The following CDH12 variants were observed in gnomAD, a reference collection of about 807,000 sequenced individuals.
CDH12 encodes the protein cadherin-12.
A neutral mutation model predicts 74.1 loss-of-function variants in CDH12; 41 were observed. The ratio of observed to expected loss-of-function variants is 0.55; its 90% confidence interval spans 0.43 to 0.72. CDH12 has a LOEUF of 0.72. Among genes scored for constraint, CDH12 ranks in the 30% least tolerant of loss-of-function variants. The probability of loss-of-function intolerance (pLI) is 0.00; values close to 1 mark genes in which losing one functional copy is unlikely to be tolerated. For missense variants in CDH12, 945 were observed against 977.2 expected (o/e 0.97, Z 0.44); for synonymous variants, 399 against 355.0 (o/e 1.12, Z -1.39).
At chr5:22,755,580 AAT>A (rs1419142643) in intron 1 of CDH12, among the ~76,000 whole-genome samples, 3 of 152,158 alleles carry the variant, frequency 2.0e-5, no homozygotes, top group Non-Finnish European at 4.4e-5. Flanking sequence ...AAATAAAGCC[AAT>A]ATGTAAGAAT....
intron 4 of CDH12, among the ~76,000 whole-genome samples, chr5:22,089,466 A>G (rs905945587): frequency 3.3e-5 from 5 of 152,300 alleles, no homozygotes; most frequent in African/African-American, 1.2e-4. Flanking sequence ...AAATGTAACA[A>G]TGCATAAAGA....
chr5:22,671,613 G>T, intron 1 of CDH12, among the ~76,000 whole-genome samples: 1 of 152,072 alleles, frequency 6.6e-6, no homozygotes, highest in African/African-American at 2.4e-5. Flanking sequence ...GGAACAAGTG[G>T]TTCCAGCAAT....
At chr5:22,374,657 T>C (rs1268776904) in intron 3 of CDH12, among the ~76,000 whole-genome samples, 1 of 152,036 alleles carries the variant, frequency 6.6e-6, no homozygotes, top group East Asian at 1.9e-4. Flanking sequence ...ATTTCTATAC[T>C]TCAATAATGA....
At chr5:22,840,847 T>C (rs1398268561) in intron 1 of CDH12, among the ~76,000 whole-genome samples, 20 of 152,178 alleles carry the variant, frequency 1.3e-4, no homozygotes, top group Admixed American at 1.3e-3. Flanking sequence ...TGAAGGTAAC[T>C]AGCCAAGTAG....
At chr5:22,283,008 G>C (rs1197083550) in intron 3 of CDH12, among the ~76,000 whole-genome samples, 3 of 152,056 alleles carry the variant, frequency 2.0e-5, no homozygotes, top group African/African-American at 7.2e-5. Flanking sequence ...ATCAACGATA[G>C]ACTGGATTAA....
chr5:22,808,634 T>G (rs1748944929), intron 1 of CDH12, among the ~76,000 whole-genome samples: 2 of 138,378 alleles, frequency 1.4e-5, no homozygotes, highest in Non-Finnish European at 1.5e-5. Flanking sequence ...TGAGATGGAG[T>G]CTCGCTTTGT....
intron 1 of CDH12, among the ~76,000 whole-genome samples, chr5:22,681,998 G>T (rs758255770): frequency 1.4e-4 from 22 of 151,966 alleles, no homozygotes; most frequent in African/African-American, 4.1e-4. Flanking sequence ...TACATTCATG[G>T]AAACATAAAT....
At chr5:21,775,356 A>G (rs1745530544) in intron 11 of CDH12, among the ~76,000 whole-genome samples, 1 of 152,186 alleles carries the variant, frequency 6.6e-6, no homozygotes, top group Non-Finnish European at 1.5e-5. Flanking sequence ...GAAAAGTTGG[A>G]GAAGTGAAAT....
At chr5:22,318,171 C>T (rs1235262688) in intron 3 of CDH12, among the ~76,000 whole-genome samples, 4 of 152,154 alleles carry the variant, frequency 2.6e-5, no homozygotes, top group Non-Finnish European at 5.9e-5. Context: ...CTTTAGAAAG[C>T]GGTCCTCATG....
intron 1 of CDH12, among the ~76,000 whole-genome samples, chr5:22,508,904 G>A (rs1736498767): frequency 6.6e-6 from 1 of 152,120 alleles, no homozygotes; most frequent in African/African-American, 2.4e-5. Flanking sequence ...GACTTCCTGA[G>A]GGTTGTGTCA....
At chr5:22,852,641 G>A (rs1036194969) in intron 1 of CDH12, among the ~76,000 whole-genome samples, 1 of 152,144 alleles carries the variant, frequency 6.6e-6, no homozygotes, top group Non-Finnish European at 1.5e-5. Flanking sequence ...ATGAGTGAGG[G>A]GGGTCGGCAT....
At chr5:22,736,846 A>G (rs969574765) in intron 1 of CDH12, among the ~76,000 whole-genome samples, 4 of 151,874 alleles carry the variant, frequency 2.6e-5, no homozygotes, top group Admixed American at 6.6e-5. Context: ...AGTTGCTCCA[A>G]CTGGAATGGG....
intron 5 of CDH12, among the ~76,000 whole-genome samples, chr5:22,075,973 T>C (rs1742287219): frequency 6.6e-6 from 1 of 152,130 alleles, no homozygotes; most frequent in Non-Finnish European, 1.5e-5. Context: ...ATGGATTAAA[T>C]TGGTCCCCAT....
chr5:22,842,532 A>T (rs114950204), intron 1 of CDH12, among the ~76,000 whole-genome samples: 1,831 of 152,190 alleles, frequency 0.012, 43 homozygotes, highest in African/African-American at 0.043. Flanking sequence ...AATAATGTGG[A>T]ATGGGGTAAT....
At chr5:22,696,602 T>C (rs1409769907) in intron 1 of CDH12, among the ~76,000 whole-genome samples, 1 of 152,144 alleles carries the variant, frequency 6.6e-6, no homozygotes, top group Non-Finnish European at 1.5e-5. Context: ...CATCAGAATA[T>C]TGCTCAGTGG....
chr5:21,932,363 C>A (rs1203266560), intron 6 of CDH12, among the ~76,000 whole-genome samples: 1 of 152,156 alleles, frequency 6.6e-6, no homozygotes, highest in Non-Finnish European at 1.5e-5. Context: ...GATATTGGAA[C>A]ATCCTTTGAT....
chr5:21,824,393 G>C (rs778276801), intron 8 of CDH12, among the ~76,000 whole-genome samples: 15 of 152,058 alleles, frequency 9.9e-5, no homozygotes, highest in Non-Finnish European at 2.1e-4. Flanking sequence ...CATTGCCTCT[G>C]CTTTGATGGA....
intron 1 of CDH12, among the ~76,000 whole-genome samples, chr5:22,792,377 C>T (rs1747961056): frequency 6.6e-6 from 1 of 152,126 alleles, no homozygotes; most frequent in Non-Finnish European, 1.5e-5. Flanking sequence ...GCGTGAGCCA[C>T]CACGCCCGGC....
intron 5 of CDH12, among the ~76,000 whole-genome samples, chr5:22,060,189 A>G (rs4280837): frequency 0.058 from 8,775 of 152,088 alleles, 852 homozygotes; most frequent in African/African-American, 0.2. Context: ...GAAGCTGGAC[A>G]CCATCATCCT....
Sources: allele counts gnomAD v4.1 joint callset (sites outside exome capture counted in the v4.1 genomes callset), GRCh38; gene constraint gnomAD v4.1.1; transcripts MANE v1.5; gene names NCBI Gene and HGNC (gene_info 2026-07-23, HGNC 2026-07-21).